BACE2: variants seen among roughly 807,000 people sequenced by gnomAD.
BACE2 encodes 56 kDa aspartic-like protease.
BACE2 carries 17 observed loss-of-function variants against 46.2 expected under a neutral mutation model. The observed-to-expected ratio is 0.37, with a 90% CI of 0.25 to 0.55. The LOEUF (loss-of-function observed/expected upper bound fraction) is 0.55. Among genes scored for constraint, BACE2 ranks in the 20% least tolerant of loss-of-function variants. BACE2 has a pLI of 0.82. For synonymous variants in BACE2, 277 were observed against 295.9 expected (o/e 0.94, Z 0.66); for missense variants, 595 against 698.1 (o/e 0.85, Z 1.66).
In BACE2 at chr21:41,276,161, C is replaced by G. The variant is rs369896101; in HGVS notation, c.*537C>G. The G allele has an allele frequency of 1.9e-5, 3 of 154,386 alleles. No individual in the cohort carries two copies. The highest frequency in any genetic ancestry group is 4.3e-5 in the Non-Finnish European group (3 of 69,510). 9.6% of individuals were successfully genotyped at this position (154,386 alleles called of 1,614,324 possible). A position where few individuals can be genotyped will look rare whatever the true frequency, so the allele number is the denominator to read the frequency against. On this transcript the variant is annotated 3_prime_UTR_variant, in exon 9 of 9. Transcript: ENST00000330333. Reference sequence around the variant, plus strand: ...TGTAACCAAGCTGTACCCTTGAGACCTGGAACCAGAGCCACAGGCCCCTTT... The same window carrying G: ...TGTAACCAAGCTGTACCCTTGAGACGTGGAACCAGAGCCACAGGCCCCTTT...
rs1469352813 is a variant in BACE2, at chr21:41,249,063, T to C, written c.985-1689T>C. On this transcript the variant is annotated intron_variant, in intron 6 of 8. Transcript: ENST00000330333. The stretch of plus-strand genomic sequence containing the variant: ...TGCTCACCTGTCAGTGCCTCTGGAG[T>C]GTGTGTCTAGCCCAGGCCCATCCCC... Among the ~76,000 whole-genome samples, 3 of 152,236 alleles carry C rather than the reference T, an allele frequency of 2.0e-5. No homozygotes were observed. The East Asian group carries it at 5.8e-4, about 29-fold the overall frequency.
intron 1 of BACE2, chr21:41,181,363 T>A (rs1985116989): frequency 6.0e-6 from 1 of 167,130 alleles, no homozygotes; most frequent in Admixed American, 6.5e-5. Flanking sequence ...CCACCTGTTC[T>A]CATGGTGGTG....
intron 2 of BACE2, among the ~76,000 whole-genome samples, chr21:41,229,808 A>G (rs530533366): frequency 6.6e-6 from 1 of 152,212 alleles, no homozygotes; most frequent in South Asian, 2.1e-4. Context: ...TCTCTAGTCC[A>G]TATGCATTTG....
rs113721142 is a variant in BACE2 at position 41,185,437 on chromosome 21, T to C, written c.312+16862T>C. On this transcript the variant is annotated intron_variant, in intron 1 of 8. Coordinates refer to ENST00000330333, the MANE Select transcript of BACE2 (RefSeq NM_012105.5). ...TGGGCTGGCCACTTGTCTACCACTG[T>C]AGGTGGCTGACTGCCAGGCCAGGAG... 8.5e-3 allele frequency among the ~76,000 whole-genome samples: 1,289 copies of C among 152,312 alleles called. 14 individuals are homozygous for C. Among genetic ancestry groups the C allele is most frequent in the African/African-American group, 0.024 (983 of 41,570 alleles).
chr21:41,216,229 G>A (rs921491752), intron 1 of BACE2, among the ~76,000 whole-genome samples: 10 of 152,200 alleles, frequency 6.6e-5, no homozygotes, highest in East Asian at 3.9e-4. Flanking sequence ...TGGCTCCTGC[G>A]GGCCGCTCAG....
At chr21:41,172,276 A>G (rs912621725) in intron 1 of BACE2, among the ~76,000 whole-genome samples, 1 of 152,260 alleles carries the variant, frequency 6.6e-6, no homozygotes, top group Non-Finnish European at 1.5e-5. Flanking sequence ...AGGTGAGCCA[A>G]GAAATCAGCT....
intron 6 of BACE2, 73 bp downstream of exon 6, chr21:41,246,136 G>A: frequency 1.7e-6 from 2 of 1,173,152 alleles, no homozygotes; most frequent in Non-Finnish European, 2.4e-6. Context: ...AGCACTGCGT[G>A]TTCTGAGCAT....
chr21:41,248,307 G>A (rs1056282232), intron 6 of BACE2, among the ~76,000 whole-genome samples: 2 of 152,226 alleles, frequency 1.3e-5, no homozygotes, highest in African/African-American at 4.8e-5. Context: ...CCCCCAGGGA[G>A]GCTGCCAGAC....
At chr21:41,181,091 G>A (rs1985104252) in intron 1 of BACE2, 1 of 167,068 alleles carries the variant, frequency 6.0e-6, no homozygotes, top group Admixed American at 6.5e-5. Flanking sequence ...ATATTCTTGG[G>A]TCCTAGGCGT....
In BACE2 at chr21:41,227,559, T is replaced by C. The variant is rs565635477; in HGVS notation, c.401+1205T>C. On this transcript the variant is annotated intron_variant, in intron 2 of 8. Transcript: ENST00000330333. ...CTACACCACATCCTGGGCTCCACTT[T>C]GGTGCCATAAATGATGGGGCCTCCT... is the stretch of plus-strand genomic sequence containing the variant. Among the ~76,000 whole-genome samples the C allele has an allele frequency of 7.2e-5, 11 of 152,306 alleles. No individual in the cohort carries two copies. In the South Asian group the frequency reaches 1.7e-3, roughly 23 times the overall value.
chr21:41,233,396 G>C (rs775135013), intron 2 of BACE2, among the ~76,000 whole-genome samples: 7 of 152,102 alleles, frequency 4.6e-5, no homozygotes, highest in Non-Finnish European at 1.0e-4. Context: ...AGCTAATAAG[G>C]GATTGAACTC....
chr21:41,241,807 G>A lies in BACE2; in HGVS notation c.619-12G>A, dbSNP rs370395082. ...TCCTAAGCGGGTGCCCCTCTCTGTC[G>A]CCCTCCCGCAGCCATCAAGTTCTCT... is the stretch of plus-strand genomic sequence containing the variant. On this transcript the variant is annotated splice_polypyrimidine_tract_variant and intron_variant, in intron 3 of 8. Coordinates refer to ENST00000330333, the MANE Select transcript of BACE2 (RefSeq NM_012105.5). The A allele has an allele frequency of 3.6e-5, 58 of 1,613,802 alleles. No individual in the cohort carries two copies. The African/African-American group carries it at 4.3e-4, about 12-fold the overall frequency.
intron 1 of BACE2, among the ~76,000 whole-genome samples, chr21:41,171,394 A>G (rs1018406552): frequency 3.9e-5 from 6 of 152,208 alleles, no homozygotes; most frequent in African/African-American, 1.4e-4. Flanking sequence ...GGCTTTAATC[A>G]GGAACTAGAG....
intron 1 of BACE2, chr21:41,183,649 G>A (rs1206609150): frequency 6.0e-6 from 1 of 167,200 alleles, no homozygotes; most frequent in East Asian, 1.9e-4. Flanking sequence ...AGCACACTCA[G>A]TGGTGGAAAT....
intron 1 of BACE2, among the ~76,000 whole-genome samples, chr21:41,188,738 C>G (rs1248814777): frequency 6.6e-6 from 1 of 152,222 alleles, no homozygotes; most frequent in Non-Finnish European, 1.5e-5. Context: ...TAGAAGCCTT[C>G]CAGGAACTGG....
chr21:41,214,783 C>T (rs1283604266), intron 1 of BACE2, among the ~76,000 whole-genome samples: 1 of 152,252 alleles, frequency 6.6e-6, no homozygotes, highest in East Asian at 1.9e-4. Context: ...AGATGAGCCA[C>T]ATGTGGCCCT....
intron 1 of BACE2, among the ~76,000 whole-genome samples, chr21:41,219,024 G>A (rs954912363): frequency 1.3e-5 from 2 of 151,974 alleles, no homozygotes; most frequent in South Asian, 4.1e-4. Context: ...CACCACACCC[G>A]GCTAATTTTT....
At chr21:41,221,513 T>G (rs1314499103) in intron 1 of BACE2, among the ~76,000 whole-genome samples, 2 of 152,142 alleles carry the variant, frequency 1.3e-5, no homozygotes, top group Non-Finnish European at 2.9e-5. Flanking sequence ...GCAAATAATT[T>G]TGTTGTCGAT....
chr21:41,192,568 G>A (rs1393979354), intron 1 of BACE2, among the ~76,000 whole-genome samples: 1 of 152,170 alleles, frequency 6.6e-6, no homozygotes, highest in Non-Finnish European at 1.5e-5. Flanking sequence ...GAAGAAGATG[G>A]CAGGGCCTTG....
Sources: gnomAD v4.1 joint callset for allele counts (sites outside exome capture counted in the v4.1 genomes callset) on GRCh38, gnomAD v4.1.1 for gene constraint, MANE v1.5 for transcripts, NCBI Gene and HGNC (gene_info 2026-07-23, HGNC 2026-07-21) for gene names.